Variants in KCND2 observed in about 807,000 individuals in gnomAD.
KCND2 encodes the protein potassium voltage-gated channel subfamily D member 2.
Under a neutral mutation model 54.4 loss-of-function variants are expected in KCND2, and 16 were observed. That is an observed-to-expected ratio of 0.29 (90% CI 0.20 to 0.45). The LOEUF (loss-of-function observed/expected upper bound fraction) is 0.45. Among genes scored for constraint, KCND2 ranks in the 20% least tolerant of loss-of-function variants. The pLI is 1.00. For missense variants in KCND2, 486 were observed against 824.2 expected (o/e 0.59, Z 5.02); for synonymous variants, 317 against 310.7 (o/e 1.02, Z -0.21).
chr7:120,705,847 C>T (rs1792460362), intron 1 of KCND2, among the ~76,000 whole-genome samples: 1 of 152,122 alleles, frequency 6.6e-6, no homozygotes, highest in South Asian at 2.1e-4. Flanking sequence ...TCTCTCTGCC[C>T]ATAAGATGTG....
intron 1 of KCND2, among the ~76,000 whole-genome samples, chr7:120,300,299 G>C (rs1403817371): frequency 1.3e-5 from 2 of 152,102 alleles, no homozygotes; most frequent in African/African-American, 2.4e-5. Flanking sequence ...TTCAGGGGAA[G>C]TCAAAACCCT....
intron 1 of KCND2, among the ~76,000 whole-genome samples, chr7:120,616,713 T>A (rs1353054145): frequency 6.6e-6 from 1 of 152,136 alleles, no homozygotes; most frequent in Non-Finnish European, 1.5e-5. Flanking sequence ...TTGTGAAAAA[T>A]TTCCTCCAAA....
intron 1 of KCND2, among the ~76,000 whole-genome samples, chr7:120,376,623 T>C (rs762995894): frequency 6.6e-6 from 1 of 151,574 alleles, no homozygotes; most frequent in Non-Finnish European, 1.5e-5. Flanking sequence ...AGTCCTAAAC[T>C]TACCCTCTTT....
rs533145835 is a variant in KCND2 at position 120,631,188 on chromosome 7, C to T, written c.1116-101715C>T. Among the ~76,000 whole-genome samples, 207 of 152,082 alleles carry T rather than the reference C, an allele frequency of 1.4e-3. 2 individuals are homozygous for T. Among genetic ancestry groups the T allele is most frequent in the South Asian group, 7.0e-3 (34 of 4,824 alleles). On this transcript the variant is annotated intron_variant, in intron 1 of 5. Transcript: ENST00000331113. ...TACTGTTGCAAGTATAAATAGTATT[C>T]TTATCATCTTTATCTATTGAGTCAT...
intron 1 of KCND2, among the ~76,000 whole-genome samples, chr7:120,467,058 C>T (rs558514703): frequency 4.7e-4 from 72 of 152,258 alleles, no homozygotes; most frequent in Non-Finnish European, 9.1e-4. Context: ...ACCTCAAAAT[C>T]CTTAACTTTA....
In KCND2 at chr7:120,731,159, G is replaced by A. The variant is rs531281465; in HGVS notation, c.1116-1744G>A. 2.6e-5 allele frequency among the ~76,000 whole-genome samples: 4 copies of A among 152,310 alleles called. No individual in the cohort carries two copies. In the East Asian group the frequency reaches 7.7e-4, roughly 29 times the overall value. On this transcript the variant is annotated intron_variant, in intron 1 of 5. Transcript: ENST00000331113. ...GAAAGTGTACTCATTCAACTAATATGTAGTAGGAGCTGGCCTTATGCTCAC... is the reference window on the plus strand; with the variant it reads ...GAAAGTGTACTCATTCAACTAATATATAGTAGGAGCTGGCCTTATGCTCAC...
chr7:120,663,711 G>A (rs1408979725), intron 1 of KCND2, among the ~76,000 whole-genome samples: 2 of 151,922 alleles, frequency 1.3e-5, no homozygotes, highest in South Asian at 2.1e-4. Context: ...TCTGTAATAC[G>A]ACATATGTTT....
rs1213549089 is a variant in KCND2, at chr7:120,275,459, G to C, written c.827G>C (p.Gly276Ala). ...GTGGCCATCCTGCCTTATTACATTGGGCTGGTGATGACAGACAATGAGGAC... is the reference window on the plus strand; with the variant it reads ...GTGGCCATCCTGCCTTATTACATTGCGCTGGTGATGACAGACAATGAGGAC... ...DVVAILPYYIGLVMTDNEDVS... is the reference protein window; with the variant it reads ...DVVAILPYYIALVMTDNEDVS... The change falls in exon 1 of 6, where the codon GGG becomes GCG. Residue 276 changes from glycine (G) to alanine (A), a missense_variant. Physicochemically the swap from Gly to Ala is moderately conservative, Grantham distance 60. Coordinates refer to ENST00000331113, the MANE Select transcript of KCND2 (RefSeq NM_012281.3). 6.2e-7 allele frequency: 1 copy of C among 1,613,594 alleles called. No homozygotes were observed. Among genetic ancestry groups the C allele is most frequent in the East Asian group, 2.2e-5 (1 of 44,852 alleles).
intron 1 of KCND2, among the ~76,000 whole-genome samples, chr7:120,498,104 C>A (rs1213405787): frequency 6.6e-6 from 1 of 152,190 alleles, no homozygotes; most frequent in Non-Finnish European, 1.5e-5. Context: ...GGTAACACTT[C>A]TATTGAAATA....
At chr7:120,417,712 T>G (rs1801544655) in intron 1 of KCND2, among the ~76,000 whole-genome samples, 1 of 152,210 alleles carries the variant, frequency 6.6e-6, no homozygotes, top group Admixed American at 6.5e-5. Context: ...TTCAAATTTC[T>G]CACCTAAGCT....
intron 1 of KCND2, among the ~76,000 whole-genome samples, chr7:120,378,456 T>A (rs1428291821): frequency 6.6e-6 from 1 of 151,968 alleles, no homozygotes; most frequent in Non-Finnish European, 1.5e-5. Flanking sequence ...AAATATTTGG[T>A]GGGAGTTAGG....
chr7:120,407,041 T>C (rs1418499898), intron 1 of KCND2, among the ~76,000 whole-genome samples: 5 of 151,826 alleles, frequency 3.3e-5, no homozygotes, highest in African/African-American at 1.2e-4. Flanking sequence ...AGTTCAAATA[T>C]ATTTGGGAAA....
chr7:120,692,462 A>G (rs555655064), intron 1 of KCND2, among the ~76,000 whole-genome samples: 2 of 152,254 alleles, frequency 1.3e-5, no homozygotes, highest in South Asian at 4.2e-4. Context: ...AAAATGTTAA[A>G]CTACATTATG....
intron 1 of KCND2, among the ~76,000 whole-genome samples, chr7:120,298,565 C>T (rs1799542257): frequency 6.6e-6 from 1 of 152,114 alleles, no homozygotes; most frequent in African/African-American, 2.4e-5. Context: ...TGCTAATAAT[C>T]TCTAAAAATA....
intron 1 of KCND2, among the ~76,000 whole-genome samples, chr7:120,710,055 TG>T (rs1429898626): frequency 6.6e-6 from 1 of 152,182 alleles, no homozygotes; most frequent in African/African-American, 2.4e-5. Flanking sequence ...CCCAGGAAGC[TG>T]GCCCTGTATA....
At chr7:120,696,167 C>T (rs1792330682) in intron 1 of KCND2, among the ~76,000 whole-genome samples, 1 of 152,098 alleles carries the variant, frequency 6.6e-6, no homozygotes, top group South Asian at 2.1e-4. Context: ...TCTTGGACAA[C>T]CCAATATTAT....
At chr7:120,596,572 G>T (rs1490786079) in intron 1 of KCND2, among the ~76,000 whole-genome samples, 1 of 152,134 alleles carries the variant, frequency 6.6e-6, no homozygotes, top group Non-Finnish European at 1.5e-5. Flanking sequence ...GACAGATTTT[G>T]AACTCAGTGT....
chr7:120,280,340 T>C lies in KCND2; in HGVS notation c.1115+4593T>C, dbSNP rs1799242220. 5.3e-5 allele frequency among the ~76,000 whole-genome samples: 8 copies of C among 152,064 alleles called. No individual in the cohort carries two copies. The South Asian group carries it at 1.7e-3, about 31-fold the overall frequency. On this transcript the variant is annotated intron_variant, in intron 1 of 5. Transcript: ENST00000331113. The stretch of plus-strand genomic sequence containing the variant: ...ATATTTGATGTGGAATTTAAAAATA[T>C]GTATGTTAATCCAGCCTGTAGTACT...
intron 1 of KCND2, among the ~76,000 whole-genome samples, chr7:120,446,529 A>T (rs968747090): frequency 2.7e-5 from 4 of 149,564 alleles, no homozygotes; most frequent in East Asian, 2.0e-4. Context: ...GATTTCCAAT[A>T]TTATACCATA....
Sources: gnomAD v4.1 joint callset for allele counts (sites outside exome capture counted in the v4.1 genomes callset) on GRCh38, gnomAD v4.1.1 for gene constraint, MANE v1.5 for transcripts, NCBI Gene and HGNC (gene_info 2026-07-23, HGNC 2026-07-21) for gene names.